The following CCDC3 variants were observed in gnomAD, a reference collection of about 807,000 sequenced individuals.
The protein encoded by CCDC3 is coiled-coil domain containing 3.
A neutral mutation model predicts 21.4 loss-of-function variants in CCDC3; 24 were observed. The observed-to-expected ratio is 1.12, with a 90% CI of 0.81 to 1.58. The LOEUF (loss-of-function observed/expected upper bound fraction) is 1.58. Among genes scored for constraint, CCDC3 ranks in the 40% most tolerant of loss-of-function variants. The probability of loss-of-function intolerance (pLI) is 0.00; values close to 1 mark genes in which losing one functional copy is unlikely to be tolerated. For synonymous variants in CCDC3, 186 were observed against 166.0 expected (o/e 1.12, Z -0.93); for missense variants, 425 against 360.9 (o/e 1.18, Z -1.44).
chr10:13,031,330 G>A (rs1237649539), intron 5 of CCDC3, among the ~76,000 whole-genome samples: 3 of 151,888 alleles, frequency 2.0e-5, no homozygotes, highest in African/African-American at 7.3e-5. Flanking sequence ...AGAATCTCTG[G>A]GACACATTTA....
At chr10:12,907,825 G>C (rs898902385) in intron 2 of CCDC3, among the ~76,000 whole-genome samples, 6 of 151,916 alleles carry the variant, frequency 3.9e-5, no homozygotes, top group African/African-American at 7.3e-5. Flanking sequence ...CTTAAGAATT[G>C]CAGGATGTGA....
upstream of CCDC3, chr10:13,001,717 C>G (rs1447704534): frequency 2.3e-6 from 1 of 438,248 alleles, no homozygotes. Context: ...TCGGCATGCC[C>G]GGCCCTGGCG....
chr10:12,948,467 GCACA>G (rs35847630), intron 2 of CCDC3, among the ~76,000 whole-genome samples: 24,957 of 147,938 alleles, frequency 0.17, 2,447 homozygotes, highest in East Asian at 0.41. Context: ...GCAGACAATT[GCACA>G]CACACACACA....
At position 12,931,126 on chromosome 10, in the gene CCDC3, A is replaced by C. The variant is rs944150475; in HGVS notation, c.550-32447T>G. Among the ~76,000 whole-genome samples the C allele has an allele frequency of 1.2e-4, 17 of 146,288 alleles. 1 individual carries two copies. ...CCTGGGAGGCTAAAGCAGGACAATC[A>C]CTTGAACCCAGGAGGCGGAGGTTAC... On this transcript the variant is annotated intron_variant, in intron 2 of 2. Transcript: ENST00000378825.
intron 2 of CCDC3, among the ~76,000 whole-genome samples, chr10:12,948,255 C>T (rs1437882314): frequency 6.6e-6 from 1 of 151,960 alleles, no homozygotes; most frequent in East Asian, 1.9e-4. Flanking sequence ...ATTGTGAGGC[C>T]TCCCCAGCCA....
intron 5 of CCDC3, among the ~76,000 whole-genome samples, chr10:13,042,305 C>T (rs758198124): frequency 5.9e-5 from 9 of 152,308 alleles, no homozygotes; most frequent in South Asian, 2.1e-4. Flanking sequence ...GGGTGGACTA[C>T]GGCTTGGGAA....
chr10:12,943,417 G>A (rs139124749), intron 2 of CCDC3, among the ~76,000 whole-genome samples: 37 of 152,304 alleles, frequency 2.4e-4, no homozygotes, highest in South Asian at 1.0e-3. Context: ...GAGAATCCTC[G>A]GTAAGGTTTC....
chr10:13,065,126 TAAGTAG>T (rs1430053519), intron 4 of CCDC3, among the ~76,000 whole-genome samples: 1 of 152,212 alleles, frequency 6.6e-6, no homozygotes, highest in African/African-American at 2.4e-5. Flanking sequence ...ATAGTATGTC[TAAGTAG>T]AAGTCTTAAT....
At chr10:12,954,771 A>C (rs1025091401) in intron 2 of CCDC3, among the ~76,000 whole-genome samples, 23 of 152,338 alleles carry the variant, frequency 1.5e-4, no homozygotes, top group Non-Finnish European at 2.9e-4. Context: ...TCAAATTTCA[A>C]CATGGAATTT....
chr10:13,048,010 G>T (rs968733888), intron 5 of CCDC3, among the ~76,000 whole-genome samples: 56 of 152,130 alleles, frequency 3.7e-4, no homozygotes, highest in African/African-American at 1.2e-3. Context: ...AAGAGAAAAG[G>T]AGCAAGTAGG....
At chr10:12,953,985 T>C (rs528991270) in intron 2 of CCDC3, among the ~76,000 whole-genome samples, 9 of 152,222 alleles carry the variant, frequency 5.9e-5, no homozygotes, top group African/African-American at 2.2e-4. Context: ...CAACTGAGCA[T>C]GGCTGTGATC....
chr10:12,990,824 A>T (rs1223565462), intron 2 of CCDC3, among the ~76,000 whole-genome samples: 1 of 152,246 alleles, frequency 6.6e-6, no homozygotes, highest in Non-Finnish European at 1.5e-5. Context: ...TGAGTAAGAA[A>T]TCCATTCAAA....
chr10:12,997,017 A>G (rs1174014898), intron 2 of CCDC3, among the ~76,000 whole-genome samples: 1 of 152,126 alleles, frequency 6.6e-6, no homozygotes, highest in Non-Finnish European at 1.5e-5. Context: ...ACCAAACCCC[A>G]GTGGCACGCA....
At chr10:13,092,781 T>C (rs1235354307) in intron 3 of CCDC3, among the ~76,000 whole-genome samples, 3 of 152,180 alleles carry the variant, frequency 2.0e-5, no homozygotes, top group African/African-American at 7.2e-5. Context: ...GCTGTGCAGA[T>C]CTGATGAGAC....
chr10:12,926,513 G>A (rs1305001387), intron 2 of CCDC3, among the ~76,000 whole-genome samples: 1 of 152,174 alleles, frequency 6.6e-6, no homozygotes, highest in South Asian at 2.1e-4. Flanking sequence ...TCCTTATGGA[G>A]AGGGCTTGCT....
intron 2 of CCDC3, among the ~76,000 whole-genome samples, chr10:12,959,994 A>C (rs1409712132): frequency 3.3e-5 from 5 of 152,170 alleles, no homozygotes; most frequent in African/African-American, 9.7e-5. Context: ...TCTCTACTAA[A>C]AATACAAAAA....
intron 5 of CCDC3, among the ~76,000 whole-genome samples, chr10:13,023,808 T>TC (rs757827091): frequency 2.6e-5 from 4 of 152,040 alleles, no homozygotes; most frequent in Non-Finnish European, 5.9e-5. Flanking sequence ...GCAGAAGGGG[T>TC]CTCTTGGGTG....
intron 1 of CCDC3, 68 bp downstream of exon 1, chr10:13,001,129 T>C (rs922870449): frequency 4.0e-5 from 60 of 1,503,172 alleles, no homozygotes; most frequent in Non-Finnish European, 5.3e-5. Context: ...GGCCTGGCTC[T>C]AGGTAACGGC....
intron 5 of CCDC3, among the ~76,000 whole-genome samples, chr10:13,010,046 G>C (rs190245459): frequency 2.0e-5 from 3 of 152,094 alleles, no homozygotes; most frequent in Non-Finnish European, 4.4e-5. Context: ...TCAGGAGTTC[G>C]AGACCAGCCT....
Sources: gnomAD v4.1 joint callset for allele counts (sites outside exome capture counted in the v4.1 genomes callset) on GRCh38, gnomAD v4.1.1 for gene constraint, MANE v1.5 for transcripts, NCBI Gene and HGNC (gene_info 2026-07-23, HGNC 2026-07-21) for gene names.